FAM13A: variants seen among roughly 807,000 people sequenced by gnomAD.
FAM13A encodes protein FAM13A.
Under a neutral mutation model 129.6 loss-of-function variants are expected in FAM13A, and 76 were observed. That is an observed-to-expected ratio of 0.59 (90% CI 0.49 to 0.71). FAM13A has a LOEUF of 0.71. FAM13A is among the 30% of genes least tolerant of loss of function. The pLI is 0.00. For missense variants in FAM13A, 1,108 were observed against 1,249.3 expected (o/e 0.89, Z 1.70); for synonymous variants, 443 against 449.9 (o/e 0.98, Z 0.20).
chr4:88,770,676 G>A (rs1228641296), intron 11 of FAM13A, among the ~76,000 whole-genome samples: 2 of 152,048 alleles, frequency 1.3e-5, no homozygotes, highest in African/African-American at 4.8e-5. Context: ...GATGTTAGAA[G>A]ATTGATTTTT....
intron 20 of FAM13A, among the ~76,000 whole-genome samples, chr4:88,737,852 T>G (rs1739328915): frequency 6.6e-6 from 1 of 152,156 alleles, no homozygotes; most frequent in Admixed American, 6.5e-5. Flanking sequence ...CTCCCATCGC[T>G]GCCCCTGCCA....
At chr4:88,728,784 C>T (rs533574026) in intron 23 of FAM13A, 125 bp from the exon 24 acceptor site, 17 of 1,126,850 alleles carry the variant, frequency 1.5e-5, no homozygotes, top group Admixed American at 4.0e-5. Flanking sequence ...TCAGTGTTGC[C>T]GAGTGGCCCT....
chr4:88,748,343 T>C (rs1026524073), intron 17 of FAM13A, among the ~76,000 whole-genome samples: 42 of 152,190 alleles, frequency 2.8e-4, no homozygotes, highest in Non-Finnish European at 5.0e-4. Context: ...TTTTCTTTGA[T>C]TACATGGAAT....
chr4:88,977,710 A>G (rs1761093151), intron 4 of FAM13A, among the ~76,000 whole-genome samples: 1 of 152,290 alleles, frequency 6.6e-6, no homozygotes, highest in Non-Finnish European at 1.5e-5. Context: ...CAGTGAGACC[A>G]AGGTCAAAAA....
At chr4:88,742,504 T>A (rs938931505) in intron 19 of FAM13A, among the ~76,000 whole-genome samples, 5 of 152,182 alleles carry the variant, frequency 3.3e-5, no homozygotes, top group African/African-American at 4.8e-5. Flanking sequence ...GATCTTTAAG[T>A]CTGAGGTAAG....
rs143827004 is a variant in FAM13A, at chr4:88,758,760, A to T, written c.1720T>A (p.Trp574Arg). 1 of 1,612,812 alleles carries T rather than the reference A, an allele frequency of 6.2e-7. No individual in the cohort carries two copies. The highest frequency in any genetic ancestry group is 1.3e-5 in the African/African-American group (1 of 74,968). ...DLTALCDEKN[W>R]EEPIPAFSSW... ...AAGTATCAGACAACCCTACCTTCCC[A>T]GTTCTTTTCATCACACAATGCAGTC... Residue 574 changes from tryptophan to arginine, a missense_variant, in exon 14 of 24, where the codon TGG becomes AGG. By Grantham distance (101) the Trp-to-Arg change is moderately radical. Coordinates refer to ENST00000264344, the MANE Select transcript of FAM13A (RefSeq NM_014883.4).
intron 6 of FAM13A, among the ~76,000 whole-genome samples, chr4:88,889,622 C>A (rs1486235567): frequency 1.3e-5 from 2 of 152,150 alleles, no homozygotes; most frequent in Non-Finnish European, 2.9e-5. Flanking sequence ...AAGAATGTTA[C>A]TGAGTTCTGG....
At chr4:88,872,750 A>T (rs1741647068) in intron 6 of FAM13A, among the ~76,000 whole-genome samples, 1 of 152,186 alleles carries the variant, frequency 6.6e-6, no homozygotes, top group Non-Finnish European at 1.5e-5. Flanking sequence ...ATTAAAAAGG[A>T]TATCCAGGAC....
chr4:88,981,109 C>T (rs1335115220), intron 4 of FAM13A, among the ~76,000 whole-genome samples: 1 of 151,814 alleles, frequency 6.6e-6, no homozygotes, highest in African/African-American at 2.4e-5. Context: ...AGTACTGAAA[C>T]ACTTGTTTCA....
intron 7 of FAM13A, among the ~76,000 whole-genome samples, chr4:88,816,561 T>C (rs1008638936): frequency 1.3e-5 from 2 of 152,182 alleles, no homozygotes; most frequent in Non-Finnish European, 2.9e-5. Context: ...AGTGTCTATA[T>C]ATTAGAGCTC....
chr4:88,732,142 A>G lies in FAM13A; in HGVS notation c.2703T>C (p.Thr901=), dbSNP rs1362890782. The G allele has an allele frequency of 7.4e-6, 12 of 1,613,688 alleles. No individual in the cohort carries two copies. Among genetic ancestry groups the G allele is most frequent in the African/African-American group, 1.3e-5 (1 of 74,924 alleles). The change falls in exon 22 of 24, where the codon ACT becomes ACC. Residue 901 remains threonine, a synonymous_variant. Transcript: ENST00000264344. ...DSNVKPDFMV[T]LKTDFSARCF... Reference sequence around the variant, plus strand: ...ATCGTGCACTGAAATCGGTTTTCAGAGTGACCATGAAGTCTGGCTTCACAT... The same window carrying G: ...ATCGTGCACTGAAATCGGTTTTCAGGGTGACCATGAAGTCTGGCTTCACAT...
chr4:89,028,963 C>G (rs945058087), intron 2 of FAM13A, among the ~76,000 whole-genome samples: 5 of 152,008 alleles, frequency 3.3e-5, no homozygotes, highest in Non-Finnish European at 7.4e-5. Flanking sequence ...TTTATCATTC[C>G]AAAAATAAGT....
At chr4:88,948,750 A>C (rs1756392923) in intron 4 of FAM13A, among the ~76,000 whole-genome samples, 2 of 152,168 alleles carry the variant, frequency 1.3e-5, no homozygotes, top group Admixed American at 1.3e-4. Context: ...CGGCCTCCCA[A>C]AGTGCTGGGA....
rs570859383 is a variant in FAM13A at position 88,734,141 on chromosome 4, G to A, written c.2647-1943C>T. Reference sequence around the variant, plus strand: ...AATCAGTGATCAACTGATGAGACTGGTTCCTTAAAAATGAGTCATGAAAAT... The same window carrying A: ...AATCAGTGATCAACTGATGAGACTGATTCCTTAAAAATGAGTCATGAAAAT... On this transcript the variant is annotated intron_variant, in intron 21 of 23. Coordinates refer to ENST00000264344, the MANE Select transcript of FAM13A (RefSeq NM_014883.4). Among the ~76,000 whole-genome samples the A allele has an allele frequency of 4.0e-5, 6 of 151,770 alleles. No homozygotes were observed. In the East Asian group the frequency reaches 1.2e-3, roughly 29 times the overall value.
chr4:88,929,499 C>A (rs1752720073), intron 5 of FAM13A, among the ~76,000 whole-genome samples: 1 of 151,964 alleles, frequency 6.6e-6, no homozygotes, highest in Non-Finnish European at 1.5e-5. Context: ...TTTTTTATCC[C>A]TCTTCCCCCT....
At chr4:88,835,015 T>C (rs1195386869) in intron 7 of FAM13A, among the ~76,000 whole-genome samples, 2 of 152,172 alleles carry the variant, frequency 1.3e-5, no homozygotes, top group Non-Finnish European at 2.9e-5. Context: ...AAATTCAGAT[T>C]GTACAGAATT....
At chr4:88,889,975 G>A (rs1472414768) in intron 6 of FAM13A, among the ~76,000 whole-genome samples, 2 of 152,178 alleles carry the variant, frequency 1.3e-5, no homozygotes, top group Non-Finnish European at 2.9e-5. Flanking sequence ...AAGGGAAACT[G>A]GAACATAGAG....
intron 4 of FAM13A, among the ~76,000 whole-genome samples, chr4:88,945,990 G>GTATATATATATATATATATATATATATA (rs199936059): frequency 1.6e-5 from 1 of 61,966 alleles, no homozygotes; most frequent in Non-Finnish European, 2.9e-5. Flanking sequence ...GTGTGTGTGT[G>GTATATATATATATATATATATATATATA]TATATATATA....
At chr4:88,992,815 G>A (rs765749327) in intron 3 of FAM13A, among the ~76,000 whole-genome samples, 1 of 152,126 alleles carries the variant, frequency 6.6e-6, no homozygotes, top group Non-Finnish European at 1.5e-5. Flanking sequence ...TTAGAGGAAT[G>A]ACTACAATCC....
Sources: allele counts gnomAD v4.1 joint callset (sites outside exome capture counted in the v4.1 genomes callset), GRCh38; gene constraint gnomAD v4.1.1; transcripts MANE v1.5; gene names NCBI Gene and HGNC (gene_info 2026-07-23, HGNC 2026-07-21).